Variants in MIS18BP1 observed in about 807,000 individuals in gnomAD.
MIS18BP1 encodes MIS18 binding protein 1.
In MIS18BP1, 72 loss-of-function variants were observed where a neutral mutation model predicts 116.1. The ratio of observed to expected loss-of-function variants is 0.62; its 90% CI spans 0.51 to 0.75. The LOEUF is 0.75. MIS18BP1 is among the 30% of genes least tolerant of loss of function. The probability of loss-of-function intolerance (pLI) is 0.00; values close to 1 mark genes in which losing one functional copy is unlikely to be tolerated. For synonymous variants in MIS18BP1, 386 were observed against 427.0 expected, an observed-to-expected ratio of 0.90 and a Z score of 1.18; for missense variants, 1,363 against 1,303.2, an observed-to-expected ratio of 1.05 and a Z score of -0.71.
Position 45,247,368 on chromosome 14 carries a change from C to G in MIS18BP1, c.-82G>C. On this transcript the variant is annotated 5_prime_UTR_variant, in exon 2 of 17. Transcript: ENST00000310806. ...TTTCAGATAGAACTTCAGAAGGGATCCACAGAAACCTGTAGTTCAACGTAA... is the reference window on the plus strand; with the variant it reads ...TTTCAGATAGAACTTCAGAAGGGATGCACAGAAACCTGTAGTTCAACGTAA... 1 of 1,168,474 alleles carries G rather than the reference C, an allele frequency of 8.6e-7. No homozygotes were observed. Among genetic ancestry groups the G allele is most frequent in the African/African-American group, 1.5e-5 (1 of 64,916 alleles). 72.4% of individuals were successfully genotyped at this position (1,168,474 alleles called of 1,614,324 possible). A position where few individuals can be genotyped will look rare whatever the true frequency, so the allele number is the denominator to read the frequency against.
At chr14:45,223,502 G>A (rs534654533) in intron 11 of MIS18BP1, among the ~76,000 whole-genome samples, 4 of 152,282 alleles carry the variant, frequency 2.6e-5, no homozygotes, top group African/African-American at 9.6e-5. Context: ...GCTTGAACCC[G>A]GGAGGCAGAG....
At chr14:45,242,725 A>C in intron 3 of MIS18BP1, 36 bp downstream of exon 3, 3 of 1,547,902 alleles carry the variant, frequency 1.9e-6, no homozygotes, top group Non-Finnish European at 1.8e-6. Flanking sequence ...CAATATACTT[A>C]AGTAACAAAC....
At chr14:45,217,896 T>C (rs1191456389) in intron 12 of MIS18BP1, among the ~76,000 whole-genome samples, 1 of 152,218 alleles carries the variant, frequency 6.6e-6, no homozygotes, top group African/African-American at 2.4e-5. Context: ...TAATCAACCT[T>C]TTACTAGTAC....
chr14:45,211,537 T>C (rs890265299), intron 13 of MIS18BP1, among the ~76,000 whole-genome samples: 1 of 152,242 alleles, frequency 6.6e-6, no homozygotes, highest in Non-Finnish European at 1.5e-5. Context: ...GACTGGAATT[T>C]CTGGAATTTC....
At chr14:45,210,955 TTA>T (rs1276150501) in intron 13 of MIS18BP1, among the ~76,000 whole-genome samples, 2 of 152,246 alleles carry the variant, frequency 1.3e-5, no homozygotes, top group African/African-American at 4.8e-5. Flanking sequence ...AAAGTCTCTA[TTA>T]AATGTTTCTG....
At chr14:45,221,898 GTTTTT>G (rs1890986919) in intron 11 of MIS18BP1, among the ~76,000 whole-genome samples, 1 of 152,164 alleles carries the variant, frequency 6.6e-6, no homozygotes, top group African/African-American at 2.4e-5. Context: ...TCACTTGTCA[GTTTTT>G]AACTCATGTA....
intron 14 of MIS18BP1, among the ~76,000 whole-genome samples, chr14:45,207,582 T>C (rs1890552824): frequency 1.3e-5 from 2 of 152,144 alleles, no homozygotes; most frequent in South Asian, 2.1e-4. Flanking sequence ...ACCTGGTAGA[T>C]GGAGGCGGTA....
At chr14:45,207,358 C>T (rs1890546134) in intron 14 of MIS18BP1, among the ~76,000 whole-genome samples, 2 of 152,290 alleles carry the variant, frequency 1.3e-5, no homozygotes, top group South Asian at 4.1e-4. Flanking sequence ...TAAACCTCGT[C>T]AGTTTTTAGC....
chr14:45,239,125 A>C (rs1008906670), intron 4 of MIS18BP1, among the ~76,000 whole-genome samples: 5 of 152,294 alleles, frequency 3.3e-5, no homozygotes, highest in African/African-American at 1.2e-4. Flanking sequence ...TAAGATATCA[A>C]AATGTTCATT....
chr14:45,205,826 A>T (rs527331831), intron 15 of MIS18BP1, among the ~76,000 whole-genome samples: 1 of 152,210 alleles, frequency 6.6e-6, no homozygotes, highest in African/African-American at 2.4e-5. Flanking sequence ...ACCTCTGTGT[A>T]TATTTTTCCC....
At chr14:45,228,316 A>T (rs2139195349) in intron 8 of MIS18BP1, among the ~76,000 whole-genome samples, 1 of 152,354 alleles carries the variant, frequency 6.6e-6, no homozygotes, top group African/African-American at 2.4e-5. Context: ...AAAAAAATTT[A>T]AAAAGCCTAG....
chr14:45,243,299 G>A (rs989801873), intron 2 of MIS18BP1, among the ~76,000 whole-genome samples: 13 of 152,046 alleles, frequency 8.6e-5, no homozygotes, highest in African/African-American at 1.9e-4. Flanking sequence ...AAAGATAGTC[G>A]AAGAATTGTA....
intron 10 of MIS18BP1, among the ~76,000 whole-genome samples, chr14:45,226,445 G>A (rs1891124455): frequency 6.6e-6 from 1 of 152,004 alleles, no homozygotes; most frequent in Non-Finnish European, 1.5e-5. Flanking sequence ...TTCATAAAAG[G>A]ATTCACTCTT....
intron 6 of MIS18BP1, among the ~76,000 whole-genome samples, chr14:45,235,138 T>C (rs1206893430): frequency 6.9e-6 from 1 of 145,418 alleles, no homozygotes; most frequent in Non-Finnish European, 1.5e-5. Context: ...ACTTAGGAGG[T>C]GGAGGTTGCA....
intron 1 of MIS18BP1, among the ~76,000 whole-genome samples, chr14:45,248,573 A>T (rs116578723): frequency 0.025 from 3,732 of 151,650 alleles, 77 homozygotes; most frequent in African/African-American, 0.059. Context: ...ATATAAACAT[A>T]AAAAAAAACT....
chr14:45,228,346 C>T (rs1891182880), intron 8 of MIS18BP1, among the ~76,000 whole-genome samples: 1 of 152,184 alleles, frequency 6.6e-6, no homozygotes, highest in South Asian at 2.1e-4. Context: ...TTATTCACGA[C>T]CATCTGTTTT....
In MIS18BP1 at chr14:45,231,308, C is replaced by T; in HGVS notation, c.1437-10G>A. 1 of 1,565,500 alleles carries T rather than the reference C, an allele frequency of 6.4e-7. No individual in the cohort carries two copies. Among genetic ancestry groups the T allele is most frequent in the East Asian group, 2.3e-5 (1 of 44,420 alleles). ...GTTCTTTTCACCAGCCCTTTAAAAA[C>T]AATTATTTTATTTTTCCTTAATACT... On this transcript the variant is annotated splice_polypyrimidine_tract_variant and intron_variant, in intron 7 of 16. Coordinates refer to ENST00000310806, the MANE Select transcript of MIS18BP1 (RefSeq NM_018353.5).
Position 45,242,469 on chromosome 14 carries a change from G to A in MIS18BP1, c.708C>T (p.Ala236=), listed in dbSNP as rs1445850960. Reference sequence around the variant, plus strand: ...GAGCTCTAGTTAATGTCTTGTTTCGGGCTTCTACAGCCAAAAAATTTTCCT... The same window carrying A: ...GAGCTCTAGTTAATGTCTTGTTTCGAGCTTCTACAGCCAAAAAATTTTCCT... ...QEQENFLAVE[A]RNKTLTRAQL... The change falls in exon 4 of 17, where the codon GCC becomes GCT. Residue 236 remains alanine, a synonymous_variant. Transcript: ENST00000310806. The A allele has an allele frequency of 1.9e-6, 3 of 1,602,502 alleles. No homozygotes were observed. Among genetic ancestry groups the A allele is most frequent in the African/African-American group, 1.4e-5 (1 of 73,944 alleles).
intron 14 of MIS18BP1, among the ~76,000 whole-genome samples, chr14:45,208,492 C>T (rs995577240): frequency 1.3e-5 from 2 of 151,962 alleles, no homozygotes; most frequent in Non-Finnish European, 2.9e-5. Context: ...ACCACCACAT[C>T]CGGCTAATTT....
Sources: allele counts gnomAD v4.1 joint callset (sites outside exome capture counted in the v4.1 genomes callset), GRCh38; gene constraint gnomAD v4.1.1; transcripts MANE v1.5; gene names NCBI Gene and HGNC (gene_info 2026-07-23, HGNC 2026-07-21).